Variants in CCDC80 observed in about 807,000 individuals in gnomAD.
CCDC80 encodes coiled-coil domain containing 80, also known as coiled-coil domain-containing protein 80.
In CCDC80, 49 loss-of-function variants were observed where a neutral mutation model predicts 78.7. The observed-to-expected ratio is 0.62, with a 90% CI of 0.50 to 0.79. The LOEUF (loss-of-function observed/expected upper bound fraction) is 0.79, where lower values mean the gene tolerates loss of function less well. Among genes scored for constraint, CCDC80 ranks in the 30% least tolerant of loss-of-function variants. CCDC80 has a pLI of 0.00. For synonymous variants in CCDC80, 488 were observed against 447.0 expected (o/e 1.09, Z -1.16); for missense variants, 1,205 against 1,198.6 (o/e 1.01, Z -0.08).
intron 2 of CCDC80, among the ~76,000 whole-genome samples, chr3:112,633,935 G>C (rs565946231): frequency 3.3e-5 from 5 of 152,256 alleles, no homozygotes; most frequent in African/African-American, 1.2e-4. Flanking sequence ...CAATAAATCA[G>C]GGCATGTATC....
At chr3:112,618,451 TG>T (rs1269118364) in intron 4 of CCDC80, among the ~76,000 whole-genome samples, 1 of 151,712 alleles carries the variant, frequency 6.6e-6, no homozygotes, top group African/African-American at 2.4e-5. Context: ...GGCGTGAACC[TG>T]GGGGGTGGAG....
At chr3:112,627,233 C>T (rs1183886849) in intron 3 of CCDC80, among the ~76,000 whole-genome samples, 2 of 152,208 alleles carry the variant, frequency 1.3e-5, no homozygotes, top group Admixed American at 1.3e-4. Context: ...ACACACCCAA[C>T]ATTCCTATCC....
Position 112,630,139 on chromosome 3 carries a change from G to C in CCDC80, c.2009C>G (p.Thr670Ser), listed in dbSNP as rs926086561. The part of the protein sequence containing the change: ...ITIFGPVNNS[T>S]MKIDHFQLDN... ...TAGCTGAAAGTGGTCGATTTTCATG[G>C]TGCTGTTGTTGACAGGGCCGAAGAT... The change falls in exon 3 of 8, where the codon ACC becomes AGC. Residue 670 changes from threonine (T) to serine (S), a missense_variant. Thr to Ser is a moderately conservative substitution (Grantham distance 58). Transcript: ENST00000206423. 1 of 1,613,738 alleles carries C rather than the reference G, an allele frequency of 6.2e-7. No homozygotes were observed. Among genetic ancestry groups the C allele is most frequent in the Non-Finnish European group, 8.5e-7 (1 of 1,179,836 alleles).
In CCDC80 at chr3:112,597,800, C is replaced by A. The variant is rs1935306842; in HGVS notation, c.*7617G>T. 6.6e-6 allele frequency: 1 copy of A among 152,268 alleles called. No homozygotes were observed. Among genetic ancestry groups the A allele is most frequent in the East Asian group, 1.9e-4 (1 of 5,182 alleles). The allele number at this position is 152,268 out of a possible 1,614,324, so 9.4% of individuals were successfully genotyped here. On this transcript the variant is annotated 3_prime_UTR_variant, in exon 8 of 8. Coordinates refer to ENST00000206423, the MANE Select transcript of CCDC80 (RefSeq NM_199511.3). ...TCATCACTCATCATCTCTCCCTGGT[C>A]CCTTCCACCTGCCAAACCCCCATAA...
intron 2 of CCDC80, among the ~76,000 whole-genome samples, chr3:112,636,197 C>A (rs1002810048): frequency 2.0e-5 from 3 of 152,102 alleles, no homozygotes; most frequent in Non-Finnish European, 2.9e-5. Flanking sequence ...CTTTCCCATG[C>A]CCCAGAGAGA....
chr3:112,625,864 T>G (rs1417077910), intron 3 of CCDC80, among the ~76,000 whole-genome samples: 1 of 152,164 alleles, frequency 6.6e-6, no homozygotes, highest in Non-Finnish European at 1.5e-5. Flanking sequence ...AAAAAAGTAT[T>G]TCTTTGAAAA....
At chr3:112,636,929 C>T (rs1056438010) in intron 2 of CCDC80, among the ~76,000 whole-genome samples, 15 of 152,188 alleles carry the variant, frequency 9.9e-5, no homozygotes, top group African/African-American at 3.6e-4. Flanking sequence ...AAAAGCTAGT[C>T]TTAAGATCCA....
Position 112,601,319 on chromosome 3 carries a change from T to G in CCDC80, c.*4098A>C, listed in dbSNP as rs758522557. 3.3e-5 allele frequency: 5 copies of G among 152,226 alleles called. No individual in the cohort carries two copies. Among genetic ancestry groups the G allele is most frequent in the Middle Eastern group, 3.2e-3 (1 of 316 alleles). The allele number at this position is 152,226 out of a possible 1,614,324, so 9.4% of individuals were successfully genotyped here. On this transcript the variant is annotated 3_prime_UTR_variant, in exon 8 of 8. Transcript: ENST00000206423. ...TATTCACATGTGGTTTGAATGCATT[T>G]ATTAATCTCTGTACTTATTAGAATT...
intron 3 of CCDC80, among the ~76,000 whole-genome samples, chr3:112,622,553 A>G (rs376110286): frequency 5.3e-5 from 8 of 152,236 alleles, no homozygotes; most frequent in African/African-American, 1.9e-4. Flanking sequence ...AAAGCAACAT[A>G]GACTTGGCAG....
intron 4 of CCDC80, among the ~76,000 whole-genome samples, chr3:112,618,053 T>C (rs772245307): frequency 6.6e-6 from 1 of 152,226 alleles, no homozygotes; most frequent in Non-Finnish European, 1.5e-5. Context: ...AAAATAATGT[T>C]AGCATTTATC....
intron 6 of CCDC80, among the ~76,000 whole-genome samples, chr3:112,607,771 G>A (rs1284382716): frequency 1.3e-5 from 2 of 152,158 alleles, no homozygotes; most frequent in African/African-American, 4.8e-5. Flanking sequence ...GGGTGACAGA[G>A]ACTCGGTCTC....
intron 6 of CCDC80, among the ~76,000 whole-genome samples, chr3:112,609,310 G>A (rs1351828987): frequency 2.0e-5 from 3 of 152,072 alleles, no homozygotes; most frequent in African/African-American, 7.2e-5. Context: ...AAAATGTTTG[G>A]TAAATAAAGC....
chr3:112,611,981 A>C (rs1935637763), intron 5 of CCDC80, among the ~76,000 whole-genome samples: 1 of 151,038 alleles, frequency 6.6e-6, no homozygotes, highest in Admixed American at 6.6e-5. Flanking sequence ...CTCTGAATGG[A>C]TGCCTGCCGC....
rs111574691 is a variant in CCDC80, at chr3:112,607,031, C to T, written c.2506+145G>A. On this transcript the variant is annotated intron_variant, in intron 7 of 7. Transcript: ENST00000206423. The stretch of plus-strand genomic sequence containing the variant: ...CCTACATATCCCGTGCACACACAGG[C>T]ACACATGCACAAATGCATGAAGTGG... 1.4e-3 allele frequency: 833 copies of T among 583,496 alleles called. 6 individuals are homozygous for T. Among genetic ancestry groups the T allele is most frequent in the African/African-American group, 0.014 (718 of 52,736 alleles). 36.1% of individuals were successfully genotyped at this position (583,496 alleles called of 1,614,324 possible). A position where few individuals can be genotyped will look rare whatever the true frequency, so the allele number is the denominator to read the frequency against.
chr3:112,627,637 G>A (rs1191045365), intron 3 of CCDC80, among the ~76,000 whole-genome samples: 1 of 152,184 alleles, frequency 6.6e-6, no homozygotes, highest in East Asian at 1.9e-4. Flanking sequence ...GGTTCACTGA[G>A]CCCATGGCTC....
At chr3:112,620,265 G>A (rs1935836421) in intron 3 of CCDC80, among the ~76,000 whole-genome samples, 1 of 152,118 alleles carries the variant, frequency 6.6e-6, no homozygotes, top group Non-Finnish European at 1.5e-5. Flanking sequence ...TTTCTCCAAA[G>A]CAAATCAAAA....
In CCDC80 at chr3:112,639,379, T is replaced by C. The variant is rs777324358; in HGVS notation, c.527A>G (p.Tyr176Cys). The change falls in exon 2 of 8, where the codon TAC (tyrosine) becomes TGC (cysteine). Residue 176 changes from tyrosine (Y) to cysteine (C), a missense_variant. Transcript: ENST00000206423. ...GATGTGCCTCTCCGCCAGCTCACAG[T>C]ACACATCGTCCTTCAGCAGGCTCAT... is the stretch of plus-strand genomic sequence containing the variant. ...LMMSLLKDDV[Y>C]CELAERHIQQ... is the part of the protein sequence containing the mutation. The C allele has an allele frequency of 9.9e-6, 16 of 1,614,028 alleles. No homozygotes were observed. The African/African-American group carries it at 1.9e-4, about 19-fold the overall frequency.
rs561803084 is a variant in CCDC80 at position 112,615,949 on chromosome 3, A to G, written c.2321+761T>C. Among the ~76,000 whole-genome samples the G allele has an allele frequency of 4.7e-3, 714 of 152,330 alleles. 4 individuals are homozygous for G. The highest frequency in any genetic ancestry group is 7.9e-3 in the South Asian group (38 of 4,832). ...AGCAGCCCTCGGGGCTGCTCTGTCT[A>G]TGGAGTAGCTGTTCTTCTATTCCTT... On this transcript the variant is annotated intron_variant, in intron 5 of 7. Transcript: ENST00000206423.
intron 3 of CCDC80, among the ~76,000 whole-genome samples, chr3:112,627,057 TA>T (rs1935991522): frequency 6.6e-6 from 1 of 152,208 alleles, no homozygotes; most frequent in African/African-American, 2.4e-5. Flanking sequence ...AATTTGGTGA[TA>T]AAATGCCAAT....
Sources: gnomAD v4.1 joint callset for allele counts (sites outside exome capture counted in the v4.1 genomes callset) on GRCh38, gnomAD v4.1.1 for gene constraint, MANE v1.5 for transcripts, NCBI Gene and HGNC (gene_info 2026-07-23, HGNC 2026-07-21) for gene names.